NOTCH2: variants seen among roughly 807,000 people sequenced by gnomAD.
The protein encoded by NOTCH2 is neurogenic locus notch homolog protein 2.
In NOTCH2, 29 loss-of-function variants were observed where a neutral mutation model predicts 235.8. The observed-to-expected ratio is 0.12, with a 90% CI of 0.09 to 0.17. The LOEUF is 0.17. NOTCH2 is among the 10% of genes least tolerant of loss of function. The pLI, the probability that NOTCH2 is intolerant of heterozygous loss-of-function variation, is 1.00. For missense variants in NOTCH2, 2,285 were observed against 3,150.2 expected (o/e 0.73, Z 6.57); for synonymous variants, 1,086 against 1,141.5 (o/e 0.95, Z 0.98).
chr1:120,000,228 C>T (rs1455484399), intron 3 of NOTCH2, among the ~76,000 whole-genome samples: 1 of 151,750 alleles, frequency 6.6e-6, no homozygotes, highest in African/African-American at 2.4e-5. Context: ...ACAAAAATAG[C>T]ATATGTATAA....
intron 33 of NOTCH2, among the ~76,000 whole-genome samples, chr1:119,917,419 G>A (rs587616426): frequency 6.6e-6 from 1 of 152,302 alleles, no homozygotes; most frequent in Non-Finnish European, 1.5e-5. Context: ...AAGAGAAAGA[G>A]TTACACCAAG....
intron 4 of NOTCH2, among the ~76,000 whole-genome samples, chr1:119,990,120 TATG>T (rs1460571528): frequency 4.5e-5 from 3 of 67,324 alleles, no homozygotes; most frequent in Non-Finnish European, 6.2e-5. Flanking sequence ...GGTAAATCCA[TATG>T]ATAAAATATT....
intron 2 of NOTCH2, among the ~76,000 whole-genome samples, chr1:120,015,322 G>A (rs880000097): frequency 7.9e-5 from 12 of 152,198 alleles, no homozygotes; most frequent in Admixed American, 2.6e-4. Flanking sequence ...CCCCCAATCC[G>A]CAGTGGCAGC....
intron 22 of NOTCH2, among the ~76,000 whole-genome samples, chr1:119,933,361 A>G (rs1649732768): frequency 6.6e-6 from 1 of 152,136 alleles, no homozygotes; most frequent in East Asian, 1.9e-4. Flanking sequence ...ATGTTTACCA[A>G]TGGCCAGAGA....
chr1:120,039,775 G>GA (rs1203750501), intron 1 of NOTCH2, among the ~76,000 whole-genome samples: 1 of 151,200 alleles, frequency 6.6e-6, no homozygotes, highest in Non-Finnish European at 1.5e-5. Flanking sequence ...ACACTTGCTG[G>GA]AAAAAAATTT....
At chr1:119,996,949 G>A (rs1266981315) in intron 4 of NOTCH2, 48 bp downstream of exon 4, 5 of 1,591,428 alleles carry the variant, frequency 3.1e-6, no homozygotes, top group African/African-American at 1.3e-5. Flanking sequence ...ACTACCTCCT[G>A]TGCTAGGGGT....
intron 2 of NOTCH2, among the ~76,000 whole-genome samples, chr1:120,006,971 A>T (rs1653002428): frequency 6.6e-6 from 1 of 152,254 alleles, no homozygotes; most frequent in African/African-American, 2.4e-5. Flanking sequence ...GCCCAGAAGA[A>T]TTGTGCGGTA....
chr1:120,002,843 C>T (rs1652819656), intron 3 of NOTCH2, among the ~76,000 whole-genome samples: 1 of 148,046 alleles, frequency 6.8e-6, no homozygotes, highest in Non-Finnish European at 1.5e-5. Flanking sequence ...TGGTGTGTTT[C>T]CGGATGTATG....
At chr1:120,029,339 AT>A (rs1212619917) in intron 2 of NOTCH2, among the ~76,000 whole-genome samples, 2 of 151,480 alleles carry the variant, frequency 1.3e-5, no homozygotes, top group Admixed American at 1.3e-4. Context: ...TCTAATATAT[AT>A]TTTTTTATAT....
At chr1:119,930,514 C>T (rs2101171776) in intron 22 of NOTCH2, among the ~76,000 whole-genome samples, 1 of 151,940 alleles carries the variant, frequency 6.6e-6, no homozygotes, top group Non-Finnish European at 1.5e-5. Context: ...CACAGTGGCT[C>T]ACACCTGTAA....
chr1:119,974,847 C>G (rs1468430937), intron 5 of NOTCH2, among the ~76,000 whole-genome samples: 2 of 152,184 alleles, frequency 1.3e-5, no homozygotes, highest in East Asian at 3.9e-4. Flanking sequence ...TTTATTTACT[C>G]TTTACAGTCT....
Position 119,915,413 on chromosome 1 carries a change from A to G in NOTCH2, c.7309T>C (p.Ser2437Pro). The G allele has an allele frequency of 6.2e-7, 1 of 1,614,116 alleles. No homozygotes were observed. Among genetic ancestry groups the G allele is most frequent in the Non-Finnish European group, 8.5e-7 (1 of 1,180,016 alleles). The change falls in exon 34 of 34, where the codon TCA becomes CCA. Residue 2437 changes from serine to proline, a missense_variant. Coordinates refer to ENST00000256646, the MANE Select transcript of NOTCH2 (RefSeq NM_024408.4). ...GGGGTAGGGCTGGTGGTCACATCTG[A>G]CCAGTCAGAAGCAGAGTGGGGTGAT... Reference protein sequence around the residue: ...SSSPHSASDWSDVTTSPTPGG... With the variant: ...SSSPHSASDWPDVTTSPTPGG...
chr1:120,041,917 AAG>A (rs1374648272), intron 1 of NOTCH2, among the ~76,000 whole-genome samples: 1 of 144,374 alleles, frequency 6.9e-6, no homozygotes, highest in African/African-American at 2.8e-5. Flanking sequence ...GGGAAAGGGA[AAG>A]AGAGAGGAAG....
chr1:120,043,064 A>T (rs1323126741), intron 1 of NOTCH2, among the ~76,000 whole-genome samples: 1 of 151,676 alleles, frequency 6.6e-6, no homozygotes, highest in Non-Finnish European at 1.5e-5. Context: ...TGCTACCTGA[A>T]GATGAAGCTA....
intron 13 of NOTCH2, among the ~76,000 whole-genome samples, chr1:119,954,652 A>G (rs1650611760): frequency 6.6e-6 from 1 of 152,342 alleles, no homozygotes; most frequent in Admixed American, 6.5e-5. Flanking sequence ...TGGCACTGTG[A>G]CAGAACAGAG....
At chr1:119,987,190 G>T in intron 4 of NOTCH2, 108 bp from the exon 5 acceptor site, 2 of 1,298,466 alleles carry the variant, frequency 1.5e-6, no homozygotes, top group South Asian at 1.2e-5. Context: ...CATGACTTCA[G>T]TTCAACAGCT....
At chr1:120,015,309 G>A (rs1204420862) in intron 2 of NOTCH2, among the ~76,000 whole-genome samples, 2 of 152,148 alleles carry the variant, frequency 1.3e-5, no homozygotes, top group Non-Finnish European at 2.9e-5. Flanking sequence ...TGGGCCTCTT[G>A]GCCCCCCAAT....
At position 119,963,584 on chromosome 1, in the gene NOTCH2, T is replaced by C. The variant is rs782350534; in HGVS notation, c.1905A>G (p.Pro635=). 2.9e-5 allele frequency: 46 copies of C among 1,613,888 alleles called. No individual in the cohort carries two copies. The highest frequency in any genetic ancestry group is 1.6e-4 in the Middle Eastern group (1 of 6,082). The stretch of plus-strand genomic sequence containing the variant: ...ACAGAGTGGGCTTACCTGACGTGCC[T>C]GGCTGGCAGTTGCACTGGTAGCCAT... ...LVNGYQCNCQ[P]GTSGVNCEIN... The change falls in exon 11 of 34, where the codon CCA becomes CCG. Residue 635 remains proline (P), a synonymous_variant. Coordinates refer to ENST00000256646, the MANE Select transcript of NOTCH2 (RefSeq NM_024408.4).
intron 5 of NOTCH2, among the ~76,000 whole-genome samples, chr1:119,973,616 C>T (rs1651453487): frequency 6.6e-6 from 1 of 152,048 alleles, no homozygotes; most frequent in Non-Finnish European, 1.5e-5. Flanking sequence ...GGTCGCTGAT[C>T]CCAGGGTCTT....
Sources: allele counts gnomAD v4.1 joint callset (sites outside exome capture counted in the v4.1 genomes callset), GRCh38; gene constraint gnomAD v4.1.1; transcripts MANE v1.5; gene names NCBI Gene and HGNC (gene_info 2026-07-23, HGNC 2026-07-21).